The following STK3 variants were observed in gnomAD, a reference collection of about 807,000 sequenced individuals.
STK3 encodes serine/threonine-protein kinase 3.
A neutral mutation model predicts 58.0 loss-of-function variants in STK3; 41 were observed. The ratio of observed to expected loss-of-function variants is 0.71; its 90% CI spans 0.55 to 0.92. The LOEUF (loss-of-function observed/expected upper bound fraction) is 0.92. STK3 is among the 40% of genes least tolerant of loss of function. The pLI is 0.00. For missense variants in STK3, 479 were observed against 602.7 expected (o/e 0.79, Z 2.15); for synonymous variants, 170 against 191.0 (o/e 0.89, Z 0.91).
intron 1 of STK3, among the ~76,000 whole-genome samples, chr8:98,819,946 A>C (rs775506436): frequency 6.6e-6 from 1 of 151,992 alleles, no homozygotes; most frequent in African/African-American, 2.4e-5. Flanking sequence ...GTTATCTGCT[A>C]TCTCTCTCCA....
chr8:98,696,325 T>C (rs1206540012), intron 6 of STK3, among the ~76,000 whole-genome samples: 3 of 151,946 alleles, frequency 2.0e-5, no homozygotes, highest in Non-Finnish European at 4.4e-5. Context: ...GACTTCCTCT[T>C]TTCCTAATTG....
intron 7 of STK3, among the ~76,000 whole-genome samples, chr8:98,586,233 T>G (rs1483272162): frequency 6.6e-6 from 1 of 151,854 alleles, no homozygotes; most frequent in Non-Finnish European, 1.5e-5. Flanking sequence ...GGCTGTGGGT[T>G]TGTCATAGAT....
At chr8:98,483,467 G>T (rs369889033) in intron 10 of STK3, among the ~76,000 whole-genome samples, 3 of 152,196 alleles carry the variant, frequency 2.0e-5, no homozygotes, top group African/African-American at 7.2e-5. Context: ...GGGCCAATGT[G>T]CTCTGTTTTG....
At chr8:98,351,725 G>A in the STK3 span, among the ~76,000 whole-genome samples, 1 of 152,170 alleles carries the variant, frequency 6.6e-6, no homozygotes, top group South Asian at 2.1e-4. Context: ...GACATCCCTA[G>A]CATTCAGGCT....
At chr8:98,787,006 T>C (rs910266793) in intron 1 of STK3, among the ~76,000 whole-genome samples, 2 of 151,246 alleles carry the variant, frequency 1.3e-5, no homozygotes, top group Non-Finnish European at 2.9e-5. Context: ...CCGTCTCTAC[T>C]AAAAATACAA....
chr8:98,622,786 A>G (rs2130412364), intron 6 of STK3, among the ~76,000 whole-genome samples: 1 of 152,350 alleles, frequency 6.6e-6, no homozygotes, highest in South Asian at 2.1e-4. Flanking sequence ...AGGTAGAAAC[A>G]TTCTATCAAA....
the STK3 span, among the ~76,000 whole-genome samples, chr8:98,349,629 T>TA: frequency 1.3e-5 from 2 of 152,228 alleles, no homozygotes; most frequent in African/African-American, 4.8e-5. Flanking sequence ...AGCAAACTTC[T>TA]ATCTGGACAT....
At chr8:98,756,057 C>T (rs891198504) in intron 3 of STK3, among the ~76,000 whole-genome samples, 22 of 151,800 alleles carry the variant, frequency 1.4e-4, no homozygotes, top group Admixed American at 3.3e-4. Context: ...GCAGGAGAAT[C>T]GCTTGAACCC....
intron 10 of STK3, among the ~76,000 whole-genome samples, chr8:98,510,459 G>T (rs201978669): frequency 2.0e-5 from 3 of 150,700 alleles, no homozygotes; most frequent in Non-Finnish European, 3.0e-5. Flanking sequence ...ACATCAGAGG[G>T]TTTTTTTTTA....
At chr8:98,811,951 A>C (rs1834253506) in intron 1 of STK3, among the ~76,000 whole-genome samples, 1 of 152,222 alleles carries the variant, frequency 6.6e-6, no homozygotes, top group South Asian at 2.1e-4. Flanking sequence ...CTGGGATTAT[A>C]GGTATGGGAC....
At chr8:98,925,685 C>T (rs1419300182) in intron 1 of STK3, among the ~76,000 whole-genome samples, 4 of 152,086 alleles carry the variant, frequency 2.6e-5, no homozygotes, top group African/African-American at 9.7e-5. Flanking sequence ...TTTTGATTGC[C>T]CTTGCTGCTT....
At chr8:98,532,864 C>A (rs1424003151) in intron 9 of STK3, among the ~76,000 whole-genome samples, 1 of 152,140 alleles carries the variant, frequency 6.6e-6, no homozygotes, top group African/African-American at 2.4e-5. Context: ...CCTCTAGCAA[C>A]CACCATTTTA....
At chr8:98,592,041 C>A (rs2129911933) in intron 7 of STK3, among the ~76,000 whole-genome samples, 1 of 152,264 alleles carries the variant, frequency 6.6e-6, no homozygotes, top group East Asian at 1.9e-4. Context: ...AGGTCCTTAA[C>A]AATTCACACC....
intron 3 of STK3, among the ~76,000 whole-genome samples, 182 bp downstream of exon 3, chr8:98,767,055 AGGTTGT>A (rs1830993284): frequency 6.6e-6 from 1 of 152,174 alleles, no homozygotes. Flanking sequence ...CAGAAAGCGG[AGGTTGT>A]GGTGAGCCGA....
At chr8:98,352,136 CAA>C in the STK3 span, among the ~76,000 whole-genome samples, 6,193 of 110,314 alleles carry the variant, frequency 0.056, 194 homozygotes, top group East Asian at 0.28. Context: ...GACTCTGTCT[CAA>C]AAAAAAAAAA....
upstream of STK3, among the ~76,000 whole-genome samples, chr8:98,390,029 A>AC (rs1489107756): frequency 3.3e-5 from 5 of 152,036 alleles, no homozygotes; most frequent in Admixed American, 6.5e-5. Flanking sequence ...CCCTTGGAGT[A>AC]CCCTCAGGGC....
intron 10 of STK3, among the ~76,000 whole-genome samples, chr8:98,464,711 A>G (rs534548162): frequency 6.6e-6 from 1 of 152,254 alleles, no homozygotes; most frequent in African/African-American, 2.4e-5. Flanking sequence ...AAAACCCTAC[A>G]TATACATTTA....
intron 6 of STK3, chr8:98,638,314 T>C (rs1453446503): frequency 1.3e-5 from 2 of 152,258 alleles, no homozygotes; most frequent in African/African-American, 4.8e-5. Context: ...ATTTGTTACT[T>C]ATTTAGCCTA....
chr8:98,464,540 T>TAAAACAAAAAAAAAAAAAAAAAAAA (rs1820279112), intron 10 of STK3, among the ~76,000 whole-genome samples: 1 of 69,228 alleles, frequency 1.4e-5, no homozygotes, highest in Non-Finnish European at 2.6e-5. Flanking sequence ...TACTTAAAGT[T>TAAAACAAAAAAAAAAAAAAAAAAAA]AAAAAAAAAA....
Sources: gnomAD v4.1 joint callset for allele counts (sites outside exome capture counted in the v4.1 genomes callset) on GRCh38, gnomAD v4.1.1 for gene constraint, MANE v1.5 for transcripts, NCBI Gene and HGNC (gene_info 2026-07-23, HGNC 2026-07-21) for gene names.